The following SLC26A4 variants were observed in gnomAD, a reference collection of about 807,000 sequenced individuals.
SLC26A4 encodes solute carrier family 26 member 4.
SLC26A4 carries 93 observed loss-of-function variants against 90.4 expected under a neutral mutation model. The ratio of observed to expected loss-of-function variants is 1.03; its 90% CI spans 0.87 to 1.22. The LOEUF is 1.22. Among genes scored for constraint, SLC26A4 ranks in the 50% most tolerant of loss-of-function variants. SLC26A4 has a pLI of 0.00. For missense variants in SLC26A4, 1,127 were observed against 946.2 expected, an observed-to-expected ratio of 1.19 and a Z score of -2.51; for synonymous variants, 393 against 354.6, an observed-to-expected ratio of 1.11 and a Z score of -1.22.
At chr7:107,706,232 C>G (rs1792034701) in intron 18 of SLC26A4, among the ~76,000 whole-genome samples, 1 of 152,130 alleles carries the variant, frequency 6.6e-6, no homozygotes, top group African/African-American at 2.4e-5. Context: ...CAAACTTGGC[C>G]TGATTGATTA....
At chr7:107,677,945 A>G (rs1375837478) in intron 6 of SLC26A4, among the ~76,000 whole-genome samples, 1 of 152,088 alleles carries the variant, frequency 6.6e-6, no homozygotes, top group Non-Finnish European at 1.5e-5. Context: ...TTAAAATTTT[A>G]AGATTTTATT....
At chr7:107,669,064 C>T (rs556652075) in intron 3 of SLC26A4, among the ~76,000 whole-genome samples, 2 of 152,090 alleles carry the variant, frequency 1.3e-5, no homozygotes, top group African/African-American at 4.8e-5. Context: ...TTCAAACTAT[C>T]CTTGTGCCTC....
At chr7:107,696,827 C>T (rs1791756550) in intron 13 of SLC26A4, among the ~76,000 whole-genome samples, 1 of 152,166 alleles carries the variant, frequency 6.6e-6, no homozygotes, top group Admixed American at 6.5e-5. Flanking sequence ...CAGAGTCTTT[C>T]TCTCCCTCCT....
intron 6 of SLC26A4, among the ~76,000 whole-genome samples, chr7:107,680,113 A>AATATAATCTTATCTTATT (rs1791169140): frequency 1.7e-5 from 1 of 59,516 alleles, no homozygotes; most frequent in African/African-American, 7.9e-5. Context: ...CTTATTATAT[A>AATATAATCTTATCTTATT]ATATAATCTT....
chr7:107,672,249 G>A lies in SLC26A4; in HGVS notation c.415+1G>A. 6.5e-7 allele frequency: 1 copy of A among 1,529,716 alleles called. No homozygotes were observed. Among genetic ancestry groups the A allele is most frequent in the Non-Finnish European group, 9.1e-7 (1 of 1,103,676 alleles). 94.8% of individuals were successfully genotyped at this position (1,529,716 alleles called of 1,614,324 possible). A position where few individuals can be genotyped will look rare whatever the true frequency, so the allele number is the denominator to read the frequency against. The stretch of plus-strand genomic sequence containing the variant: ...GGAACATCAAGACATATCTCAGTTG[G>A]TAATTATAAGTATATTTTACAATTA... On this transcript the variant is annotated splice_donor_variant, in intron 4 of 20. Coordinates refer to ENST00000644269, the MANE Select transcript of SLC26A4 (RefSeq NM_000441.2). LOFTEE classifies it high-confidence loss of function.
At chr7:107,663,485 C>T in intron 3 of SLC26A4, 50 bp downstream of exon 3, 1 of 1,602,898 alleles carries the variant, frequency 6.2e-7, no homozygotes, top group South Asian at 1.1e-5. Context: ...GAGTTTAACA[C>T]TTCTCCCCAG....
chr7:107,713,167 A>G (rs1363249095), intron 20 of SLC26A4, among the ~76,000 whole-genome samples: 4 of 152,216 alleles, frequency 2.6e-5, no homozygotes, highest in Admixed American at 1.3e-4. Flanking sequence ...TCGCCACTGG[A>G]TAAGAGGTGA....
At chr7:107,697,861 G>T (rs948450957) in intron 13 of SLC26A4, among the ~76,000 whole-genome samples, 181 bp from the exon 14 acceptor site, 3 of 152,124 alleles carry the variant, frequency 2.0e-5, no homozygotes, top group Non-Finnish European at 4.4e-5. Flanking sequence ...CCCCTCCCCT[G>T]CCGATTCCAC....
At position 107,698,062 on chromosome 7, in the gene SLC26A4, G is replaced by C. The variant is rs1357149643; in HGVS notation, c.1565G>C (p.Gly522Ala). ...TCTAGTCCTTCTTGGAATGGCCTTGGAAGCATCCCTAGCACAGATATCTAC... is the reference window on the plus strand; with the variant it reads ...TCTAGTCCTTCTTGGAATGGCCTTGCAAGCATCCCTAGCACAGATATCTAC... ...RVQFPSWNGL[G>A]SIPSTDIYKS... Residue 522 changes from glycine to alanine, a missense_variant, in exon 14 of 21, where the codon GGA becomes GCA. By Grantham distance (60) the Gly-to-Ala change is moderately conservative (BLOSUM62 0). Transcript: ENST00000644269. 3.1e-6 allele frequency: 5 copies of C among 1,609,776 alleles called. No homozygotes were observed.
intron 8 of SLC26A4, among the ~76,000 whole-genome samples, chr7:107,684,753 T>C (rs1224465370): frequency 6.6e-6 from 1 of 152,158 alleles, no homozygotes; most frequent in Non-Finnish European, 1.5e-5. Context: ...TCAAGGAAAC[T>C]GGAGAAACTC....
rs1791876361 is a variant in SLC26A4 at position 107,701,178 on chromosome 7, A to G, written c.1785A>G (p.Gly595=). Residue 595 remains glycine (G), a synonymous_variant, in exon 16 of 21, where the codon GGA becomes GGG. Transcript: ENST00000644269. ...AAATACAGAAACTAATAAAAAGTGGACAATTAAGAGCAACAAAGGTGAGAT... is the reference window on the plus strand; with the variant it reads ...AAATACAGAAACTAATAAAAAGTGGGCAATTAAGAGCAACAAAGGTGAGAT... The part of the protein sequence containing the change: ...LRKIQKLIKS[G]QLRATKNGII... 2.5e-6 allele frequency: 4 copies of G among 1,604,022 alleles called. No individual in the cohort carries two copies. Among genetic ancestry groups the G allele is most frequent in the Admixed American group, 3.3e-5 (2 of 59,970 alleles).
rs1179781332 is a variant in SLC26A4, at chr7:107,716,226, T to TC, written c.*781dup. ...TTGTTTAAAAATGCAGTTTTAATTA[T>TC]CTTAGTCTATAGAAATGATCATTGC... On this transcript the variant is annotated 3_prime_UTR_variant, in exon 21 of 21. Transcript: ENST00000644269. The TC allele has an allele frequency of 1.3e-5, 2 of 152,256 alleles. No homozygotes were observed. Among genetic ancestry groups the TC allele is most frequent in the Non-Finnish European group, 2.9e-5 (2 of 68,058 alleles). 9.4% of individuals were successfully genotyped at this position (152,256 alleles called of 1,614,324 possible).
Position 107,710,199 on chromosome 7 carries a change from G to A in SLC26A4, c.2235G>A (p.Thr745=), listed in dbSNP as rs748353957. Residue 745 remains threonine, a splice_region_variant and synonymous_variant, in exon 19 of 21, where the codon ACG becomes ACA. Coordinates refer to ENST00000644269, the MANE Select transcript of SLC26A4 (RefSeq NM_000441.2). ...AGGGTCAAGGTTCCATTTTAGAAAC[G>A]GTAAATATTCAACCTTTCTACAGAT... ...SQEGQGSILE[T]ITLIQDCKDT... 7.5e-6 allele frequency: 12 copies of A among 1,590,102 alleles called. No homozygotes were observed. The highest frequency in any genetic ancestry group is 2.2e-5 in the East Asian group (1 of 44,710).
At chr7:107,663,922 A>G (rs1218337285) in intron 3 of SLC26A4, among the ~76,000 whole-genome samples, 1 of 152,114 alleles carries the variant, frequency 6.6e-6, no homozygotes, top group African/African-American at 2.4e-5. Flanking sequence ...TGACCTCGTG[A>G]TCCGCCTGCC....
At position 107,672,289 on chromosome 7, in the gene SLC26A4, T is replaced by TA. The variant is rs1427226645; in HGVS notation, c.415+44dup. ...TTTTACAATTATATTTGCTCATGTT[T>TA]AAAGTGTTTTGGCTATATTAAGTGC... On this transcript the variant is annotated intron_variant, in intron 4 of 20. Transcript: ENST00000644269. 3 of 1,344,420 alleles carry TA rather than the reference T, an allele frequency of 2.2e-6. No homozygotes were observed. In the South Asian group the frequency reaches 3.5e-5, roughly 16 times the overall value. 83.3% of individuals were successfully genotyped at this position (1,344,420 alleles called of 1,614,324 possible).
intron 8 of SLC26A4, among the ~76,000 whole-genome samples, chr7:107,684,264 A>T (rs1020659406): frequency 6.6e-6 from 1 of 152,218 alleles, no homozygotes; most frequent in Non-Finnish European, 1.5e-5. Flanking sequence ...TATTTGTAAC[A>T]TACACTCATA....
intron 2 of SLC26A4, chr7:107,662,008 C>A: frequency 1.6e-6 from 1 of 614,812 alleles, no homozygotes; most frequent in Non-Finnish European, 2.8e-6. Context: ...CAGTCTCGGG[C>A]CCGAAATGAA....
chr7:107,706,181 G>T (rs756988130), intron 18 of SLC26A4, among the ~76,000 whole-genome samples: 2 of 152,160 alleles, frequency 1.3e-5, no homozygotes, highest in African/African-American at 4.8e-5. Flanking sequence ...TATCAAAGAC[G>T]ATCATGGTAG....
rs142804698 is a variant in SLC26A4, at chr7:107,709,673, G to A, written c.2090-381G>A. On this transcript the variant is annotated intron_variant, in intron 18 of 20. Coordinates refer to ENST00000644269, the MANE Select transcript of SLC26A4 (RefSeq NM_000441.2). ...GATACACTGGCTTGGCCAAAGGGAC[G>A]TGATCGTCCACAAGGTTGACTACGA... 7.9e-3 allele frequency among the ~76,000 whole-genome samples: 1,199 copies of A among 152,264 alleles called. 19 individuals are homozygous for A. The highest frequency in any genetic ancestry group is 0.01 in the Middle Eastern group (3 of 294).
Sources: gnomAD v4.1 joint callset for allele counts (sites outside exome capture counted in the v4.1 genomes callset) on GRCh38, gnomAD v4.1.1 for gene constraint, MANE v1.5 for transcripts, NCBI Gene and HGNC (gene_info 2026-07-23, HGNC 2026-07-21) for gene names.